PTPRD: variants seen among roughly 807,000 people sequenced by gnomAD.
The protein encoded by PTPRD is receptor-type tyrosine-protein phosphatase delta.
A neutral mutation model predicts 214.5 loss-of-function variants in PTPRD; 34 were observed. The observed-to-expected ratio is 0.16, with a 90% CI of 0.12 to 0.21. The LOEUF (loss-of-function observed/expected upper bound fraction) is 0.21, where lower values mean the gene tolerates loss of function less well. Ranked by LOEUF, PTPRD falls within the 10% of genes least tolerant of loss-of-function variation. The pLI is 1.00. For missense variants in PTPRD, 2,545 were observed against 2,398.7 expected (o/e 1.06, Z -1.27); for synonymous variants, 1,128 against 845.7 (o/e 1.33, Z -5.79).
intron 7 of PTPRD, among the ~76,000 whole-genome samples, chr9:9,699,884 T>C (rs986541643): frequency 1.3e-5 from 2 of 152,192 alleles, no homozygotes; most frequent in Admixed American, 1.3e-4. Flanking sequence ...AATCTAGGGT[T>C]GCAATGTTTT....
At chr9:8,437,488 C>T (rs10977105) in intron 34 of PTPRD, among the ~76,000 whole-genome samples, 13,572 of 152,186 alleles carry the variant, frequency 0.089, 846 homozygotes, top group East Asian at 0.26. Context: ...CCACGACTCA[C>T]TGACGATAAT....
chr9:9,646,318 G>T lies in PTPRD; in HGVS notation c.-286-71537C>A, dbSNP rs193293348. Among the ~76,000 whole-genome samples, 253 of 137,236 alleles carry T rather than the reference G, an allele frequency of 1.8e-3. 1 individual carries two copies. The highest frequency in any genetic ancestry group is 0.015 in the East Asian group (74 of 4,778). The allele number at this position is 137,236 out of a possible 152,430, so 90.0% of individuals were successfully genotyped here. A position where few individuals can be genotyped will look rare whatever the true frequency, so the allele number is the denominator to read the frequency against. On this transcript the variant is annotated intron_variant, in intron 7 of 45. Coordinates refer to ENST00000381196, the MANE Select transcript of PTPRD (RefSeq NM_002839.4). The stretch of plus-strand genomic sequence containing the variant: ...TTTGGGAGGGGTGTGTGTGTGTGTG[G>T]GTGTGTGTGTGTGTGTGTGTGTGTG...
At chr9:10,143,371 C>G (rs2099000792) in intron 3 of PTPRD, among the ~76,000 whole-genome samples, 1 of 152,020 alleles carries the variant, frequency 6.6e-6, no homozygotes, top group African/African-American at 2.4e-5. Flanking sequence ...TCATCTTACA[C>G]CAGTTAGAAT....
chr9:8,653,106 G>C (rs1267312322), intron 12 of PTPRD, among the ~76,000 whole-genome samples: 1 of 152,130 alleles, frequency 6.6e-6, no homozygotes, highest in African/African-American at 2.4e-5. Flanking sequence ...CAGAGTAAAA[G>C]CTGCCTTTTG....
chr9:8,726,711 G>C (rs577342043), intron 12 of PTPRD, among the ~76,000 whole-genome samples: 116 of 137,612 alleles, frequency 8.4e-4, no homozygotes, highest in African/African-American at 3.1e-3. Flanking sequence ...TAAGGCAGGA[G>C]AATTGCTTGA....
chr9:9,503,332 A>T (rs553652076), intron 8 of PTPRD, among the ~76,000 whole-genome samples: 226 of 151,462 alleles, frequency 1.5e-3, no homozygotes, highest in African/African-American at 5.3e-3. Flanking sequence ...ATCACAGCAC[A>T]TCATTTAGAT....
intron 7 of PTPRD, among the ~76,000 whole-genome samples, chr9:9,643,479 G>C (rs984292652): frequency 1.3e-4 from 20 of 152,262 alleles, no homozygotes; most frequent in African/African-American, 4.1e-4. Context: ...AGAATGAGCA[G>C]AGTGAATCCA....
intron 14 of PTPRD, among the ~76,000 whole-genome samples, chr9:8,622,428 G>A (rs76356906): frequency 1.9e-3 from 291 of 151,954 alleles, no homozygotes; most frequent in Admixed American, 3.7e-3. Context: ...TAGTTCTTAC[G>A]GCAAGTACTA....
At chr9:9,445,506 C>T (rs1438579352) in intron 8 of PTPRD, among the ~76,000 whole-genome samples, 1 of 152,102 alleles carries the variant, frequency 6.6e-6, no homozygotes, top group Non-Finnish European at 1.5e-5. Context: ...TTAATTGACT[C>T]ATAGTTCTGC....
chr9:9,091,606 C>G (rs2099776033), intron 10 of PTPRD, among the ~76,000 whole-genome samples: 1 of 152,182 alleles, frequency 6.6e-6, no homozygotes, highest in South Asian at 2.1e-4. Flanking sequence ...GTGCCTAACA[C>G]ACTCAGTAAG....
chr9:9,086,580 A>G (rs1371281627), intron 10 of PTPRD, among the ~76,000 whole-genome samples: 1 of 152,136 alleles, frequency 6.6e-6, no homozygotes, highest in Non-Finnish European at 1.5e-5. Flanking sequence ...AGCCACAACC[A>G]TCTTGTCCTC....
intron 9 of PTPRD, among the ~76,000 whole-genome samples, chr9:9,226,573 A>G (rs1263759305): frequency 6.6e-6 from 1 of 152,010 alleles, no homozygotes; most frequent in Non-Finnish European, 1.5e-5. Flanking sequence ...AATGTGGGAA[A>G]GAGGAAGGAA....
chr9:10,237,684 A>T (rs936845643), intron 3 of PTPRD, among the ~76,000 whole-genome samples: 2 of 152,030 alleles, frequency 1.3e-5, no homozygotes, highest in Admixed American at 1.3e-4. Flanking sequence ...AATCTGTTTC[A>T]GCATCTCATT....
At chr9:9,658,440 A>G (rs1379413635) in intron 7 of PTPRD, among the ~76,000 whole-genome samples, 1 of 152,186 alleles carries the variant, frequency 6.6e-6, no homozygotes, top group African/African-American at 2.4e-5. Flanking sequence ...AATTTCCTAA[A>G]AGGAAAGATT....
chr9:10,594,777 G>C (rs10809127), intron 2 of PTPRD, among the ~76,000 whole-genome samples: 1 of 151,798 alleles, frequency 6.6e-6, no homozygotes, highest in Non-Finnish European at 1.5e-5. Context: ...GTGTGTGGTA[G>C]GGGCAGCTGG....
chr9:9,902,136 G>A (rs1374256270), intron 5 of PTPRD, among the ~76,000 whole-genome samples: 3 of 152,054 alleles, frequency 2.0e-5, no homozygotes, highest in Non-Finnish European at 4.4e-5. Flanking sequence ...TAATTGATAT[G>A]TGTTTTCCAT....
chr9:9,732,087 C>G (rs957223317), intron 7 of PTPRD, among the ~76,000 whole-genome samples: 1 of 151,950 alleles, frequency 6.6e-6, no homozygotes, highest in African/African-American at 2.4e-5. Context: ...GAAAGTGGGA[C>G]TTGAATTTGG....
In PTPRD at chr9:9,243,249, A is replaced by C. The variant is rs202106990; in HGVS notation, c.-202-59886T>G. ...TGCTACCATTCCTTCTGAAACTATTACAATCAATAGAAAAAGAGGAATCCT... is the reference window on the plus strand; with the variant it reads ...TGCTACCATTCCTTCTGAAACTATTCCAATCAATAGAAAAAGAGGAATCCT... On this transcript the variant is annotated intron_variant, in intron 9 of 45. Coordinates refer to ENST00000381196, the MANE Select transcript of PTPRD (RefSeq NM_002839.4). 3.9e-4 allele frequency among the ~76,000 whole-genome samples: 60 copies of C among 152,196 alleles called. No homozygotes were observed. The South Asian group carries it at 9.3e-3, about 24-fold the overall frequency.
chr9:9,058,538 C>G (rs1232087310), intron 10 of PTPRD, among the ~76,000 whole-genome samples: 1 of 141,458 alleles, frequency 7.1e-6, no homozygotes, highest in African/African-American at 2.6e-5. Flanking sequence ...AGCCTCCGCC[C>G]CCTGGGGTTC....
Sources: allele counts gnomAD v4.1 joint callset (sites outside exome capture counted in the v4.1 genomes callset), GRCh38; gene constraint gnomAD v4.1.1; transcripts MANE v1.5; gene names NCBI Gene and HGNC (gene_info 2026-07-23, HGNC 2026-07-21).